VAV3: variants seen among roughly 807,000 people sequenced by gnomAD.
VAV3 encodes vav guanine nucleotide exchange factor 3.
A neutral mutation model predicts 131.2 loss-of-function variants in VAV3; 94 were observed. The observed-to-expected ratio is 0.72, with a 90% CI of 0.61 to 0.85. VAV3 has a LOEUF of 0.85. Among genes scored for constraint, VAV3 ranks in the 40% least tolerant of loss-of-function variants. VAV3 has a pLI of 0.00. For missense variants in VAV3, 939 were observed against 1,002.7 expected, an observed-to-expected ratio of 0.94 and a Z score of 0.86; for synonymous variants, 349 against 342.0, an observed-to-expected ratio of 1.02 and a Z score of -0.22.
intron 20 of VAV3, among the ~76,000 whole-genome samples, chr1:107,634,653 A>G (rs879835944): frequency 2.6e-5 from 4 of 151,992 alleles, no homozygotes; most frequent in East Asian, 3.9e-4. Flanking sequence ...GCTTCTGCAC[A>G]GCAAAAGAAA....
At chr1:107,877,293 C>T (rs1035582388) in intron 1 of VAV3, among the ~76,000 whole-genome samples, 6 of 152,144 alleles carry the variant, frequency 3.9e-5, no homozygotes, top group Non-Finnish European at 8.8e-5. Flanking sequence ...AATAATTACT[C>T]TCTTGGGGAT....
At chr1:107,636,323 T>C (rs969412489) in intron 20 of VAV3, among the ~76,000 whole-genome samples, 2 of 152,220 alleles carry the variant, frequency 1.3e-5, no homozygotes, top group Non-Finnish European at 1.5e-5. Flanking sequence ...ATTCTAAATA[T>C]GTCTGGGCAA....
chr1:107,767,087 T>A (rs917441555), intron 7 of VAV3, among the ~76,000 whole-genome samples: 23 of 152,230 alleles, frequency 1.5e-4, no homozygotes, highest in African/African-American at 5.5e-4. Context: ...GACACAAACA[T>A]GTAAATTTGT....
chr1:107,642,065 G>A (rs1655381562), intron 20 of VAV3, among the ~76,000 whole-genome samples: 2 of 152,044 alleles, frequency 1.3e-5, no homozygotes, highest in South Asian at 2.1e-4. Flanking sequence ...ACTGTAATTC[G>A]GATAGTGTCA....
intron 3 of VAV3, among the ~76,000 whole-genome samples, chr1:107,778,475 T>C (rs1352374599): frequency 6.6e-6 from 1 of 152,088 alleles, no homozygotes; most frequent in Middle Eastern, 3.2e-3. Flanking sequence ...AAGAGCAAAT[T>C]AGGAGTTAAA....
intron 1 of VAV3, among the ~76,000 whole-genome samples, chr1:107,930,671 T>TAAA (rs1673389574): frequency 2.0e-5 from 3 of 152,296 alleles, no homozygotes; most frequent in African/African-American, 7.2e-5. Flanking sequence ...AAAATTGTTT[T>TAAA]AGGCAAAGAT....
At chr1:107,680,231 A>AT (rs1009834541) in intron 19 of VAV3, among the ~76,000 whole-genome samples, 7 of 152,058 alleles carry the variant, frequency 4.6e-5, no homozygotes, top group Non-Finnish European at 1.0e-4. Flanking sequence ...TTTCACCAAA[A>AT]AAAAAACCTC....
intron 25 of VAV3, among the ~76,000 whole-genome samples, chr1:107,578,133 T>C (rs1385000666): frequency 6.6e-6 from 1 of 152,122 alleles, no homozygotes; most frequent in Admixed American, 6.5e-5. Flanking sequence ...GCCAAGAGAA[T>C]TGGAGGGAGT....
At chr1:107,628,038 G>C (rs1654163083) in intron 20 of VAV3, among the ~76,000 whole-genome samples, 1 of 149,552 alleles carries the variant, frequency 6.7e-6, no homozygotes, top group South Asian at 2.1e-4. Flanking sequence ...AGTATGATGG[G>C]TGTTATGATA....
At chr1:107,669,317 T>A in intron 19 of VAV3, 1 of 1,289,638 alleles carries the variant, frequency 7.8e-7, no homozygotes, top group Non-Finnish European at 1.0e-6. Context: ...GTATTGTTGC[T>A]GGACACCAGC....
At chr1:107,961,300 ATCT>A (rs1421377175) in intron 1 of VAV3, among the ~76,000 whole-genome samples, 34 of 152,234 alleles carry the variant, frequency 2.2e-4, no homozygotes, top group East Asian at 1.9e-4. Flanking sequence ...ATTCATGAAG[ATCT>A]TCTTAACCAC....
intron 2 of VAV3, among the ~76,000 whole-genome samples, chr1:107,841,871 TTAAA>T (rs1359253991): frequency 6.6e-6 from 1 of 152,182 alleles, no homozygotes; most frequent in Non-Finnish European, 1.5e-5. Flanking sequence ...GATTACATGT[TTAAA>T]TGATAATTGG....
chr1:107,898,600 G>C (rs1029641616), intron 1 of VAV3, among the ~76,000 whole-genome samples: 1 of 152,042 alleles, frequency 6.6e-6, no homozygotes, highest in Non-Finnish European at 1.5e-5. Flanking sequence ...GTCCCTGCAG[G>C]GTAATAGGAA....
chr1:107,635,456 A>T (rs9727856), intron 20 of VAV3, among the ~76,000 whole-genome samples: 14 of 110,604 alleles, frequency 1.3e-4, no homozygotes, highest in South Asian at 3.4e-4. Flanking sequence ...AACATCACAC[A>T]CTGGGGCCTG....
intron 2 of VAV3, among the ~76,000 whole-genome samples, chr1:107,845,482 T>G (rs945711813): frequency 2.6e-5 from 4 of 152,110 alleles, no homozygotes; most frequent in Non-Finnish European, 5.9e-5. Flanking sequence ...CTTCAGAAGG[T>G]GGGTAATAAA....
chr1:107,639,399 T>C (rs1458687271), intron 20 of VAV3, among the ~76,000 whole-genome samples: 1 of 151,816 alleles, frequency 6.6e-6, no homozygotes, highest in African/African-American at 2.4e-5. Context: ...AGCCACAGAT[T>C]AGGAGAAGCA....
chr1:107,592,133 T>C (rs1212865953), intron 25 of VAV3, among the ~76,000 whole-genome samples: 4 of 152,122 alleles, frequency 2.6e-5, no homozygotes, highest in African/African-American at 9.7e-5. Flanking sequence ...ATGTTATATG[T>C]AGTTGTCACA....
intron 15 of VAV3, among the ~76,000 whole-genome samples, chr1:107,734,646 A>C (rs1244314806): frequency 6.6e-6 from 1 of 152,228 alleles, no homozygotes; most frequent in African/African-American, 2.4e-5. Context: ...GATCAATTCA[A>C]CAAGAAGAGC....
At chr1:107,812,994 G>A (rs999488720) in intron 2 of VAV3, among the ~76,000 whole-genome samples, 6 of 151,692 alleles carry the variant, frequency 4.0e-5, no homozygotes, top group South Asian at 2.1e-4. Flanking sequence ...GTGGTGGCAC[G>A]CACCTGTAGT....
Sources: allele counts gnomAD v4.1 joint callset (sites outside exome capture counted in the v4.1 genomes callset), GRCh38; gene constraint gnomAD v4.1.1; transcripts MANE v1.5; gene names NCBI Gene and HGNC (gene_info 2026-07-23, HGNC 2026-07-21).